CAPN3: variants seen among roughly 807,000 people sequenced by gnomAD.
CAPN3 encodes calpain-3.
Under a neutral mutation model 114.0 loss-of-function variants are expected in CAPN3, and 88 were observed. That is an observed-to-expected ratio of 0.77 (90% confidence interval 0.65 to 0.92). The LOEUF (loss-of-function observed/expected upper bound fraction) is 0.92. CAPN3 is among the 40% of genes least tolerant of loss of function. The pLI is 0.00. For missense variants in CAPN3, 1,028 were observed against 1,069.0 expected, an observed-to-expected ratio of 0.96 and a Z score of 0.53; for synonymous variants, 386 against 382.9, an observed-to-expected ratio of 1.01 and a Z score of -0.09.
chr15:42,399,018 C>T (rs978039860), intron 9 of CAPN3, among the ~76,000 whole-genome samples: 3 of 152,082 alleles, frequency 2.0e-5, no homozygotes, highest in African/African-American at 7.2e-5. Flanking sequence ...CTCCTAGCCT[C>T]AGGTGATCCA....
At chr15:42,376,061 G>C (rs1245406429) in intron 1 of CAPN3, among the ~76,000 whole-genome samples, 2 of 152,132 alleles carry the variant, frequency 1.3e-5, no homozygotes, top group African/African-American at 2.4e-5. Flanking sequence ...CTCCTTATGG[G>C]CTTAAGGGTT....
chr15:42,392,815 C>A (rs1294436906), intron 7 of CAPN3, 93 bp downstream of exon 7: 6 of 899,238 alleles, frequency 6.7e-6, no homozygotes, highest in Non-Finnish European at 1.1e-5. Flanking sequence ...TCCCTGTCTG[C>A]AGAGCTTGCC....
chr15:42,395,706 CAG>C (rs1395487830), intron 8 of CAPN3, among the ~76,000 whole-genome samples: 1 of 152,200 alleles, frequency 6.6e-6, no homozygotes, highest in Admixed American at 6.5e-5. Flanking sequence ...GCTGCCATCA[CAG>C]GGGCTGGAGA....
At position 42,389,022 on chromosome 15, in the gene CAPN3, G is replaced by A. The variant is rs756192789; in HGVS notation, c.727G>A (p.Asp243Asn). 6.2e-7 allele frequency: 1 copy of A among 1,614,060 alleles called. No homozygotes were observed. Among genetic ancestry groups the A allele is most frequent in the Admixed American group, 1.7e-5 (1 of 60,020 alleles). ...GGVAEFFEIR[D>N]APSDMYKIMK... is the part of the protein sequence containing the mutation. ...GGTGGCAGAGTTTTTTGAGATCAGGGATGCTCCTAGTGACATGTACAAGAT... is the reference window on the plus strand; with the variant it reads ...GGTGGCAGAGTTTTTTGAGATCAGGAATGCTCCTAGTGACATGTACAAGAT... The change falls in exon 5 of 24, where the codon GAT (aspartate) becomes AAT (asparagine). Residue 243 changes from aspartate to asparagine, a missense_variant. Physicochemically the swap from Asp to Asn is conservative, Grantham distance 23. Coordinates refer to ENST00000397163, the MANE Select transcript of CAPN3 (RefSeq NM_000070.3).
chr15:42,408,348 G>T (rs762472642), intron 16 of CAPN3, 24 bp downstream of exon 16: 135 of 1,476,744 alleles, frequency 9.1e-5, no homozygotes, highest in South Asian at 6.8e-5. Flanking sequence ...TGGCATGGGT[G>T]GGGTGGCCAG....
At chr15:42,381,830 AC>A (rs1210761543) in intron 1 of CAPN3, among the ~76,000 whole-genome samples, 1 of 152,120 alleles carries the variant, frequency 6.6e-6, no homozygotes, top group South Asian at 2.1e-4. Context: ...GAGTCATTGC[AC>A]CCGGCCATCA....
chr15:42,401,813 G>A lies in CAPN3; in HGVS notation c.1524+3G>A, dbSNP rs374188055. The stretch of plus-strand genomic sequence containing the variant: ...CCATTGGCTTCGCCATCTACGAGGT[G>A]TGCAGTCCTGATTGGCTCCAGCCCA... On this transcript the variant is annotated splice_donor_region_variant and intron_variant, in intron 11 of 23. Transcript: ENST00000397163. 37 of 1,612,042 alleles carry A rather than the reference G, an allele frequency of 2.3e-5. No individual in the cohort carries two copies. The highest frequency in any genetic ancestry group is 3.0e-5 in the Non-Finnish European group (35 of 1,179,084).
chr15:42,365,264 A>G (rs2052749552), intron 1 of CAPN3, among the ~76,000 whole-genome samples: 1 of 152,170 alleles, frequency 6.6e-6, no homozygotes, highest in Admixed American at 6.5e-5. Flanking sequence ...TGGCTCTGCT[A>G]GGAGAGGTTA....
chr15:42,411,409 G>C (rs1370419437), intron 23 of CAPN3, 64 bp downstream of exon 23: 1 of 1,438,430 alleles, frequency 7.0e-7, no homozygotes, highest in African/African-American at 1.4e-5. Context: ...GGTCAACGGG[G>C]CGGACTGGAC....
At position 42,403,729 on chromosome 15, in the gene CAPN3, T is replaced by C. The variant is rs774904951; in HGVS notation, c.1746-12T>C. ...GTGACACTGAGACCCCACATGTCTG[T>C]ATTCCTCACAGGGAAGTTGAAAATA... is the stretch of plus-strand genomic sequence containing the variant. On this transcript the variant is annotated splice_polypyrimidine_tract_variant and intron_variant, in intron 13 of 23. Coordinates refer to ENST00000397163, the MANE Select transcript of CAPN3 (RefSeq NM_000070.3). The C allele has an allele frequency of 6.2e-7, 1 of 1,613,176 alleles. No homozygotes were observed. The highest frequency in any genetic ancestry group is 1.3e-5 in the African/African-American group (1 of 74,886).
chr15:42,366,828 C>CTTTTTTTTTTTTTT (rs545010219), intron 1 of CAPN3, among the ~76,000 whole-genome samples: 13 of 127,848 alleles, frequency 1.0e-4, no homozygotes, highest in South Asian at 2.5e-4. Context: ...TCTTTTTTTT[C>CTTTTTTTTTTTTTT]TTTTTTTTTT....
At chr15:42,381,612 C>T (rs775767539) in intron 1 of CAPN3, among the ~76,000 whole-genome samples, 1 of 152,128 alleles carries the variant, frequency 6.6e-6, no homozygotes, top group Non-Finnish European at 1.5e-5. Flanking sequence ...GCGATCTTGG[C>T]TCACTGCAAC....
rs546144154 is a variant in CAPN3 at position 42,396,962 on chromosome 15, A to C, written c.1193+85A>C. The C allele has an allele frequency of 1.0e-5, 10 of 996,422 alleles. No individual in the cohort carries two copies. In the African/African-American group the frequency reaches 1.6e-4, roughly 16 times the overall value. The allele number at this position is 996,422 out of a possible 1,614,324, so 61.7% of individuals were successfully genotyped here. A position where few individuals can be genotyped will look rare whatever the true frequency, so the allele number is the denominator to read the frequency against. ...CAGACCTCAGTCCCCAGCTAAGGTT[A>C]TCAGATTCCAGCCCTTGGGAGATCT... On this transcript the variant is annotated intron_variant, in intron 9 of 23. Coordinates refer to ENST00000397163, the MANE Select transcript of CAPN3 (RefSeq NM_000070.3).
intron 1 of CAPN3, among the ~76,000 whole-genome samples, chr15:42,363,663 C>T (rs2052706914): frequency 6.6e-6 from 1 of 152,186 alleles, no homozygotes; most frequent in Non-Finnish European, 1.5e-5. Context: ...CCCTGGGCCA[C>T]CTGGTAATGT....
intron 14 of CAPN3, chr15:42,404,125 T>A: frequency 2.1e-6 from 1 of 478,266 alleles, no homozygotes; most frequent in South Asian, 1.5e-5. Flanking sequence ...ATTTCACACA[T>A]AGAGAAAAGA....
At chr15:42,382,656 A>G (rs2053282252) in intron 1 of CAPN3, among the ~76,000 whole-genome samples, 2 of 152,162 alleles carry the variant, frequency 1.3e-5, no homozygotes, top group Admixed American at 1.3e-4. Context: ...GGTGTAGGCC[A>G]CCACACCTGG....
At chr15:42,361,415 G>A (rs114914004) in intron 1 of CAPN3, among the ~76,000 whole-genome samples, 1 of 152,274 alleles carries the variant, frequency 6.6e-6, no homozygotes, top group Admixed American at 6.5e-5. Flanking sequence ...AGGCAGCAGT[G>A]AGCCGAGATC....
At chr15:42,405,145 G>T (rs28364503) in intron 14 of CAPN3, among the ~76,000 whole-genome samples, 4 of 152,098 alleles carry the variant, frequency 2.6e-5, no homozygotes, top group African/African-American at 2.4e-5. Flanking sequence ...CAGGCCCAGG[G>T]CAGCCTGCCA....
At position 42,404,951 on chromosome 15, in the gene CAPN3, G is replaced by A. The variant is rs907540095; in HGVS notation, c.1783-975G>A. 6.5e-5 allele frequency: 65 copies of A among 998,066 alleles called. No homozygotes were observed. In the African/African-American group the frequency reaches 7.3e-4, roughly 11 times the overall value. The allele number at this position is 998,066 out of a possible 1,614,324, so 61.8% of individuals were successfully genotyped here. A position where few individuals can be genotyped will look rare whatever the true frequency, so the allele number is the denominator to read the frequency against. ...CCCAAAAGCTTATGGGAGCTGGCACGTCACGTGAGTAGAGCAGGCAGGTGC... is the reference window on the plus strand; with the variant it reads ...CCCAAAAGCTTATGGGAGCTGGCACATCACGTGAGTAGAGCAGGCAGGTGC... On this transcript the variant is annotated intron_variant, in intron 14 of 23. Coordinates refer to ENST00000397163, the MANE Select transcript of CAPN3 (RefSeq NM_000070.3).
Sources: allele counts gnomAD v4.1 joint callset (sites outside exome capture counted in the v4.1 genomes callset), GRCh38; gene constraint gnomAD v4.1.1; transcripts MANE v1.5; gene names NCBI Gene and HGNC (gene_info 2026-07-23, HGNC 2026-07-21).